FER: variants seen among roughly 807,000 people sequenced by gnomAD.
FER encodes FER tyrosine kinase.
In FER, 63 loss-of-function variants were observed where a neutral mutation model predicts 111.0. That is an observed-to-expected ratio of 0.57 (90% CI 0.46 to 0.70). The LOEUF is 0.70. Ranked by LOEUF, FER falls within the 30% of genes least tolerant of loss-of-function variation. The probability of loss-of-function intolerance (pLI) is 0.00; values close to 1 mark genes in which losing one functional copy is unlikely to be tolerated. For synonymous variants in FER, 327 were observed against 313.9 expected (o/e 1.04, Z -0.44); for missense variants, 914 against 954.0 (o/e 0.96, Z 0.55).
intron 3 of FER, among the ~76,000 whole-genome samples, chr5:108,802,756 G>T (rs1023428588): frequency 6.6e-6 from 1 of 151,858 alleles, no homozygotes; most frequent in Admixed American, 6.6e-5. Flanking sequence ...CACTCAGAGC[G>T]GTATCACCTT....
chr5:109,173,441 A>G (rs1432191852), intron 17 of FER, among the ~76,000 whole-genome samples: 4 of 152,246 alleles, frequency 2.6e-5, no homozygotes, highest in Non-Finnish European at 4.4e-5. Context: ...TGCTATTGAG[A>G]CGAAATAACC....
Position 108,762,395 on chromosome 5 carries a change from C to G in FER, c.-205-5698C>G, listed in dbSNP as rs538585727. On this transcript the variant is annotated intron_variant, in intron 1 of 19. Coordinates refer to ENST00000281092, the MANE Select transcript of FER (RefSeq NM_005246.4). ...ATACCTATAATCTGACTTGCTCTCACCACCCCTACTTCTATCATCCTGGTT... is the reference window on the plus strand; with the variant it reads ...ATACCTATAATCTGACTTGCTCTCAGCACCCCTACTTCTATCATCCTGGTT... Among the ~76,000 whole-genome samples the G allele has an allele frequency of 6.6e-5, 10 of 152,314 alleles. No individual in the cohort carries two copies. The East Asian group carries it at 1.9e-3, about 29-fold the overall frequency.
At chr5:108,931,979 TG>T (rs1754747122) in intron 10 of FER, among the ~76,000 whole-genome samples, 2 of 152,052 alleles carry the variant, frequency 1.3e-5, no homozygotes, top group African/African-American at 4.8e-5. Flanking sequence ...TGTGTGTGTG[TG>T]TGTTTCATTT....
chr5:108,954,536 T>C (rs901256611), intron 11 of FER, among the ~76,000 whole-genome samples, 193 bp from the exon 12 acceptor site: 13 of 152,058 alleles, frequency 8.5e-5, no homozygotes, highest in Non-Finnish European at 1.3e-4. Flanking sequence ...AAACAAAGTG[T>C]TGAAGCATAT....
intron 13 of FER, among the ~76,000 whole-genome samples, chr5:109,019,184 A>G (rs909657474): frequency 2.0e-5 from 3 of 151,594 alleles, no homozygotes; most frequent in Non-Finnish European, 4.4e-5. Flanking sequence ...AGTGTATGCT[A>G]TTTTGGTTTT....
At chr5:109,117,448 T>C (rs1750386490) in intron 17 of FER, among the ~76,000 whole-genome samples, 1 of 152,162 alleles carries the variant, frequency 6.6e-6, no homozygotes, top group African/African-American at 2.4e-5. Flanking sequence ...ACTCATATCA[T>C]TCTTATGTAA....
intron 13 of FER, among the ~76,000 whole-genome samples, chr5:109,010,113 T>C (rs2149800858): frequency 6.6e-6 from 1 of 152,230 alleles, no homozygotes; most frequent in East Asian, 1.9e-4. Context: ...TATTAAACAG[T>C]CTACTATATT....
At chr5:108,803,584 A>G (rs1017951098) in intron 3 of FER, among the ~76,000 whole-genome samples, 17 of 152,124 alleles carry the variant, frequency 1.1e-4, no homozygotes, top group Non-Finnish European at 1.8e-4. Context: ...CATTTATTAA[A>G]TAGGGAGTTC....
At chr5:109,066,067 G>C (rs1330186570) in intron 16 of FER, among the ~76,000 whole-genome samples, 1 of 152,084 alleles carries the variant, frequency 6.6e-6, no homozygotes, top group Non-Finnish European at 1.5e-5. Context: ...TATTGTAAGA[G>C]ATTACATATA....
At chr5:108,812,256 C>A (rs1345840566) in intron 3 of FER, among the ~76,000 whole-genome samples, 2 of 152,080 alleles carry the variant, frequency 1.3e-5, no homozygotes, top group Non-Finnish European at 1.5e-5. Context: ...AATAAATTAA[C>A]TTGTTTATTG....
chr5:108,854,946 C>CAAAA (rs34850507), intron 5 of FER, among the ~76,000 whole-genome samples: 4 of 36,660 alleles, frequency 1.1e-4, no homozygotes, highest in Non-Finnish European at 1.5e-4. Flanking sequence ...GACCCTGTCT[C>CAAAA]AAAAAAAAAA....
chr5:109,079,301 G>A (rs1776721880), intron 16 of FER, among the ~76,000 whole-genome samples: 1 of 152,048 alleles, frequency 6.6e-6, no homozygotes, highest in South Asian at 2.1e-4. Context: ...TGAAGGTGGA[G>A]AAAAAACTTT....
At chr5:109,031,674 C>T (rs999489497) in intron 13 of FER, among the ~76,000 whole-genome samples, 2 of 152,152 alleles carry the variant, frequency 1.3e-5, no homozygotes, top group African/African-American at 4.8e-5. Flanking sequence ...TGTGTATTCA[C>T]TCTATCTAGA....
chr5:109,033,971 CTT>C (rs1770008625), intron 13 of FER, among the ~76,000 whole-genome samples: 1 of 152,078 alleles, frequency 6.6e-6, no homozygotes, highest in African/African-American at 2.4e-5. Flanking sequence ...CTTCACATAA[CTT>C]ATTTTTGGTA....
chr5:109,141,635 G>C (rs1753530877), intron 17 of FER, among the ~76,000 whole-genome samples: 1 of 152,220 alleles, frequency 6.6e-6, no homozygotes, highest in African/African-American at 2.4e-5. Context: ...TGGAGAGTCA[G>C]TTACTTCCAC....
At chr5:109,119,100 T>C (rs1279761198) in intron 17 of FER, among the ~76,000 whole-genome samples, 1 of 152,158 alleles carries the variant, frequency 6.6e-6, no homozygotes, top group African/African-American at 2.4e-5. Context: ...ATTGTGATGT[T>C]AGGGTGTCAA....
At chr5:108,971,771 T>C (rs1196010769) in intron 13 of FER, among the ~76,000 whole-genome samples, 1 of 152,126 alleles carries the variant, frequency 6.6e-6, no homozygotes, top group Non-Finnish European at 1.5e-5. Context: ...AAAATATTAA[T>C]AAAAATTAGC....
At chr5:109,026,974 C>T (rs545995260) in intron 13 of FER, among the ~76,000 whole-genome samples, 12 of 152,240 alleles carry the variant, frequency 7.9e-5, no homozygotes, top group South Asian at 4.1e-4. Flanking sequence ...CCACCACACC[C>T]GGCTAATTAT....
rs896775579 is a variant in FER, at chr5:109,107,597, G to A, written c.2048+7078G>A. Among the ~76,000 whole-genome samples the A allele has an allele frequency of 5.3e-5, 8 of 152,142 alleles. 1 individual carries two copies. The highest frequency in any genetic ancestry group is 1.9e-4 in the African/African-American group (8 of 41,530). ...GAATATGCAATATTTGGTTGTTCCT[G>A]TGTTAGTTTCCTTTATCATAAGGAA... On this transcript the variant is annotated intron_variant, in intron 17 of 19. Transcript: ENST00000281092.
Sources: gnomAD v4.1 joint callset for allele counts (sites outside exome capture counted in the v4.1 genomes callset) on GRCh38, gnomAD v4.1.1 for gene constraint, MANE v1.5 for transcripts, NCBI Gene and HGNC (gene_info 2026-07-23, HGNC 2026-07-21) for gene names.